Variants in PDZRN4 observed in about 807,000 individuals in gnomAD.
The protein encoded by PDZRN4 is PDZ domain-containing RING finger protein 4.
In PDZRN4, 70 loss-of-function variants were observed where a neutral mutation model predicts 99.0. The ratio of observed to expected loss-of-function variants is 0.71; its 90% confidence interval spans 0.58 to 0.86. PDZRN4 has a LOEUF of 0.86. PDZRN4 is among the 40% of genes least tolerant of loss of function. The pLI is 0.00. For missense variants in PDZRN4, 1,474 were observed against 1,331.2 expected (o/e 1.11, Z -1.67); for synonymous variants, 551 against 501.6 (o/e 1.10, Z -1.32).
intron 3 of PDZRN4, among the ~76,000 whole-genome samples, chr12:41,490,660 A>C (rs896638793): frequency 8.5e-5 from 13 of 152,250 alleles, no homozygotes; most frequent in African/African-American, 2.9e-4. Flanking sequence ...AGTTCCTCAG[A>C]GTCCCAAGAC....
At chr12:41,309,675 C>A (rs1009828762) in intron 3 of PDZRN4, among the ~76,000 whole-genome samples, 1 of 151,702 alleles carries the variant, frequency 6.6e-6, no homozygotes, top group Non-Finnish European at 1.5e-5. Flanking sequence ...ATATGTAAAG[C>A]CTTGATATAA....
intron 3 of PDZRN4, among the ~76,000 whole-genome samples, chr12:41,450,311 G>A (rs143167674): frequency 6.6e-6 from 1 of 152,114 alleles, no homozygotes; most frequent in Non-Finnish European, 1.5e-5. Context: ...TATCAGTTAA[G>A]CTTTTCAGGA....
At chr12:41,491,163 T>C (rs1478107604) in intron 3 of PDZRN4, among the ~76,000 whole-genome samples, 1 of 152,118 alleles carries the variant, frequency 6.6e-6, no homozygotes, top group Non-Finnish European at 1.5e-5. Flanking sequence ...GAGAAAGTTG[T>C]CTAAACTGTC....
chr12:41,301,004 A>G (rs1268513891), intron 3 of PDZRN4, among the ~76,000 whole-genome samples: 1 of 152,084 alleles, frequency 6.6e-6, no homozygotes. Flanking sequence ...GATTATCTAT[A>G]AGGGGAATTT....
chr12:41,448,248 T>C (rs183517314), intron 3 of PDZRN4, among the ~76,000 whole-genome samples: 1 of 152,308 alleles, frequency 6.6e-6, no homozygotes. Context: ...CAAAGAAAAC[T>C]ATAACTTTCT....
chr12:41,373,830 T>A (rs1284606161), intron 3 of PDZRN4, among the ~76,000 whole-genome samples: 1 of 152,180 alleles, frequency 6.6e-6, no homozygotes, highest in Non-Finnish European at 1.5e-5. Flanking sequence ...CAGTTTATGT[T>A]CAGAGATTGC....
chr12:41,203,136 G>A (rs775114985), intron 3 of PDZRN4, among the ~76,000 whole-genome samples: 64 of 151,580 alleles, frequency 4.2e-4, no homozygotes, highest in Non-Finnish European at 8.8e-4. Flanking sequence ...GTTACGGAAG[G>A]TTGAAAAAAA....
chr12:41,209,468 G>A (rs1167663996), intron 3 of PDZRN4, among the ~76,000 whole-genome samples: 1 of 151,338 alleles, frequency 6.6e-6, no homozygotes, highest in African/African-American at 2.4e-5. Context: ...TTAACATTAG[G>A]TATATCTCCT....
At chr12:41,254,909 G>T (rs1274397091) in intron 3 of PDZRN4, among the ~76,000 whole-genome samples, 1 of 152,052 alleles carries the variant, frequency 6.6e-6, no homozygotes, top group African/African-American at 2.4e-5. Flanking sequence ...AACACAGGGA[G>T]ACCCAGTATC....
chr12:41,450,003 G>A lies in PDZRN4; in HGVS notation c.844-56453G>A, dbSNP rs116802796. Among the ~76,000 whole-genome samples the A allele has an allele frequency of 1.7e-3, 265 of 152,180 alleles. 2 individuals carry two copies. Among genetic ancestry groups the A allele is most frequent in the African/African-American group, 6.1e-3 (252 of 41,528 alleles). ...TGCCTAAATTTTATTTGATGATGATGCCTTTGGGCTTCATAATTATGATAG... is the reference window on the plus strand; with the variant it reads ...TGCCTAAATTTTATTTGATGATGATACCTTTGGGCTTCATAATTATGATAG... On this transcript the variant is annotated intron_variant, in intron 3 of 9. Transcript: ENST00000402685.
intron 3 of PDZRN4, among the ~76,000 whole-genome samples, chr12:41,339,626 A>C (rs1487528681): frequency 8.8e-6 from 1 of 113,710 alleles, no homozygotes; most frequent in African/African-American, 2.8e-5. Flanking sequence ...AGAAACAATC[A>C]ACAAAGTGAA....
intron 3 of PDZRN4, among the ~76,000 whole-genome samples, chr12:41,306,363 G>A (rs774528967): frequency 6.6e-6 from 1 of 152,126 alleles, no homozygotes; most frequent in Non-Finnish European, 1.5e-5. Context: ...TTGCCTTTGG[G>A]GCCATTCTTT....
chr12:41,316,650 G>A (rs1951640062), intron 3 of PDZRN4, among the ~76,000 whole-genome samples: 1 of 151,936 alleles, frequency 6.6e-6, no homozygotes, highest in African/African-American at 2.4e-5. Context: ...GAGTACCCAT[G>A]TTTGTATGGC....
At chr12:41,270,314 G>C (rs1180619474) in intron 3 of PDZRN4, among the ~76,000 whole-genome samples, 1 of 133,180 alleles carries the variant, frequency 7.5e-6, no homozygotes. Context: ...TGTGTGTGGT[G>C]TGTGTGTGTG....
intron 3 of PDZRN4, among the ~76,000 whole-genome samples, chr12:41,262,389 T>C (rs1951246239): frequency 6.6e-6 from 1 of 152,212 alleles, no homozygotes; most frequent in African/African-American, 2.4e-5. Flanking sequence ...AGTGTCTTCA[T>C]AAAATGGAAT....
chr12:41,396,510 A>G (rs1226348367), intron 3 of PDZRN4, among the ~76,000 whole-genome samples: 3 of 152,186 alleles, frequency 2.0e-5, no homozygotes, highest in Non-Finnish European at 4.4e-5. Flanking sequence ...AAATTGTAGC[A>G]GCTAAAAACA....
intron 3 of PDZRN4, among the ~76,000 whole-genome samples, chr12:41,275,370 C>A (rs977805927): frequency 1.1e-4 from 17 of 152,092 alleles, no homozygotes; most frequent in African/African-American, 4.1e-4. Flanking sequence ...CTTGAACTAA[C>A]CCACTAGAAT....
At chr12:41,358,703 A>G (rs1004143402) in intron 3 of PDZRN4, among the ~76,000 whole-genome samples, 2 of 151,996 alleles carry the variant, frequency 1.3e-5, no homozygotes, top group African/African-American at 4.8e-5. Context: ...CTTTCAGTGC[A>G]TCTTAGAAAG....
At chr12:41,368,836 G>A (rs1279648814) in intron 3 of PDZRN4, among the ~76,000 whole-genome samples, 1 of 152,056 alleles carries the variant, frequency 6.6e-6, no homozygotes. Context: ...GGGGATGGTG[G>A]TCAGTGGCTG....
Sources: allele counts gnomAD v4.1 joint callset (sites outside exome capture counted in the v4.1 genomes callset), GRCh38; gene constraint gnomAD v4.1.1; transcripts MANE v1.5; gene names NCBI Gene and HGNC (gene_info 2026-07-23, HGNC 2026-07-21).